The following DCC variants were observed in gnomAD, a reference collection of about 807,000 sequenced individuals.
DCC encodes DCC netrin 1 receptor.
A neutral mutation model predicts 172.5 loss-of-function variants in DCC; 58 were observed. That is an observed-to-expected ratio of 0.34 (90% CI 0.27 to 0.42). DCC has a LOEUF of 0.42. Among genes scored for constraint, DCC ranks in the 10% least tolerant of loss-of-function variants. The pLI, the probability that DCC is intolerant of heterozygous loss-of-function variation, is 1.00. For missense variants in DCC, 1,740 were observed against 1,791.0 expected (o/e 0.97, Z 0.51); for synonymous variants, 709 against 644.5 (o/e 1.10, Z -1.52).
intron 23 of DCC, among the ~76,000 whole-genome samples, chr18:53,454,978 A>G (rs534601742): frequency 6.6e-6 from 1 of 152,088 alleles, no homozygotes; most frequent in Non-Finnish European, 1.5e-5. Flanking sequence ...TTTTGTTTTT[A>G]TTTTTATTCC....
At chr18:53,115,581 G>A (rs1001912037) in intron 7 of DCC, among the ~76,000 whole-genome samples, 5 of 151,578 alleles carry the variant, frequency 3.3e-5, no homozygotes, top group African/African-American at 1.2e-4. Context: ...TCGGCCAGTA[G>A]TTGTAAAAAA....
intron 12 of DCC, among the ~76,000 whole-genome samples, chr18:53,222,196 A>C (rs2055944299): frequency 6.6e-6 from 1 of 152,162 alleles, no homozygotes. Flanking sequence ...ACTAGTTTTT[A>C]AACAACATAA....
intron 2 of DCC, among the ~76,000 whole-genome samples, chr18:52,849,423 T>C (rs2038942079): frequency 6.6e-6 from 1 of 152,084 alleles, no homozygotes; most frequent in Non-Finnish European, 1.5e-5. Flanking sequence ...TGTTTCTCCT[T>C]CTCTAACTCT....
intron 1 of DCC, among the ~76,000 whole-genome samples, chr18:52,411,007 G>A (rs1986826384): frequency 6.6e-6 from 1 of 151,986 alleles, no homozygotes; most frequent in South Asian, 2.1e-4. Flanking sequence ...TTTTTTACTT[G>A]GGTAAAGTAA....
intron 21 of DCC, among the ~76,000 whole-genome samples, chr18:53,420,210 T>C (rs1323811115): frequency 6.6e-6 from 1 of 152,216 alleles, no homozygotes; most frequent in Non-Finnish European, 1.5e-5. Flanking sequence ...TACATGTATA[T>C]AGCCACACAT....
chr18:53,381,662 A>AT (rs1370493771), intron 15 of DCC, among the ~76,000 whole-genome samples: 1 of 139,872 alleles, frequency 7.1e-6, no homozygotes, highest in Non-Finnish European at 1.5e-5. Flanking sequence ...TTCAGTATCT[A>AT]TTTTTCCGGG....
Position 52,951,125 on chromosome 18 carries a change from T to C in DCC, c.985+25755T>C, listed in dbSNP as rs564558657. On this transcript the variant is annotated intron_variant, in intron 5 of 28. Transcript: ENST00000442544. ...AAGCCACTGTTCGGTAATGTTTCAG[T>C]TGAGAATGCACGGACCTTGAGGGTT... Among the ~76,000 whole-genome samples the C allele has an allele frequency of 7.9e-5, 12 of 152,122 alleles. No individual in the cohort carries two copies. In the South Asian group the frequency reaches 2.1e-3, roughly 26 times the overall value.
intron 5 of DCC, among the ~76,000 whole-genome samples, chr18:53,048,536 TAC>T (rs924786900): frequency 1.3e-5 from 2 of 149,074 alleles, no homozygotes; most frequent in Admixed American, 6.7e-5. Flanking sequence ...TATACATATA[TAC>T]ACACACATAT....
intron 7 of DCC, among the ~76,000 whole-genome samples, chr18:53,124,230 T>C (rs1404541676): frequency 1.3e-5 from 2 of 152,128 alleles, no homozygotes; most frequent in African/African-American, 4.8e-5. Context: ...ATGTTCAATC[T>C]CTAGAACACT....
At chr18:53,293,487 T>C (rs1168643382) in intron 12 of DCC, among the ~76,000 whole-genome samples, 1 of 152,194 alleles carries the variant, frequency 6.6e-6, no homozygotes, top group Non-Finnish European at 1.5e-5. Context: ...ATTTTTATTT[T>C]AGTTTCAGGG....
At chr18:52,838,654 A>G (rs897194003) in intron 2 of DCC, among the ~76,000 whole-genome samples, 1 of 152,256 alleles carries the variant, frequency 6.6e-6, no homozygotes, top group African/African-American at 2.4e-5. Flanking sequence ...TATTTGGAAC[A>G]TGGGAATGAA....
intron 12 of DCC, among the ~76,000 whole-genome samples, chr18:53,288,574 A>C (rs1001282694): frequency 6.6e-6 from 1 of 152,078 alleles, no homozygotes; most frequent in South Asian, 2.1e-4. Flanking sequence ...TTTTGTGCAG[A>C]TATAATTTTA....
At chr18:53,382,110 A>T (rs1045451710) in intron 15 of DCC, among the ~76,000 whole-genome samples, 10 of 146,740 alleles carry the variant, frequency 6.8e-5, no homozygotes, top group African/African-American at 1.8e-4. Flanking sequence ...ACACACCCCT[A>T]CCTCCTAAGC....
intron 5 of DCC, among the ~76,000 whole-genome samples, chr18:52,964,163 T>C (rs1258520123): frequency 6.6e-6 from 1 of 152,180 alleles, no homozygotes; most frequent in African/African-American, 2.4e-5. Context: ...CTGCTCTTTT[T>C]AAGGAACTTA....
chr18:52,770,292 T>C (rs1490560917), intron 2 of DCC, among the ~76,000 whole-genome samples: 1 of 152,180 alleles, frequency 6.6e-6, no homozygotes. Flanking sequence ...TGGAGTAATT[T>C]CGTGGAAATC....
rs545367935 is a variant in DCC, at chr18:52,760,740, G to T, written c.412+8366G>T. Among the ~76,000 whole-genome samples the T allele has an allele frequency of 2.0e-5, 3 of 152,194 alleles. No individual in the cohort carries two copies. The South Asian group carries it at 6.2e-4, about 32-fold the overall frequency. On this transcript the variant is annotated intron_variant, in intron 2 of 28. Transcript: ENST00000442544. ...TCAATAACTGTATACAAACACATTT[G>T]AATTAAGATATTAATATTAGATACA...
intron 1 of DCC, among the ~76,000 whole-genome samples, chr18:52,420,005 T>C (rs772853207): frequency 6.6e-6 from 1 of 152,186 alleles, no homozygotes; most frequent in East Asian, 1.9e-4. Flanking sequence ...TGTCCCCTCC[T>C]TGGAAGAGGC....
At chr18:52,791,467 G>GT (rs1228037571) in intron 2 of DCC, among the ~76,000 whole-genome samples, 3 of 148,304 alleles carry the variant, frequency 2.0e-5, no homozygotes, top group African/African-American at 4.9e-5. Context: ...TGTTTTTTGT[G>GT]TTTTGTTTTT....
intron 1 of DCC, among the ~76,000 whole-genome samples, chr18:52,469,362 T>G (rs1053101293): frequency 1.3e-5 from 2 of 152,218 alleles, no homozygotes; most frequent in Non-Finnish European, 2.9e-5. Context: ...CATGAACCAC[T>G]GTGCCCAGCT....
Sources: allele counts gnomAD v4.1 joint callset (sites outside exome capture counted in the v4.1 genomes callset), GRCh38; gene constraint gnomAD v4.1.1; transcripts MANE v1.5; gene names NCBI Gene and HGNC (gene_info 2026-07-23, HGNC 2026-07-21).